ANKRD11: variants seen among roughly 807,000 people sequenced by gnomAD.
ANKRD11 encodes ankyrin repeat domain-containing protein 11.
ANKRD11 carries 17 observed loss-of-function variants against 195.7 expected under a neutral mutation model. The observed-to-expected ratio is 0.09, with a 90% CI of 0.06 to 0.13. The LOEUF is 0.13. Among genes scored for constraint, ANKRD11 ranks in the 10% least tolerant of loss-of-function variants. ANKRD11 has a pLI of 1.00. For missense variants in ANKRD11, 3,735 were observed against 3,566.1 expected, an observed-to-expected ratio of 1.05 and a Z score of -1.21; for synonymous variants, 1,953 against 1,528.1, an observed-to-expected ratio of 1.28 and a Z score of -6.49.
At position 89,284,595 on chromosome 16, in the gene ANKRD11, G is replaced by A. The variant is rs1190427532; in HGVS notation, c.1947C>T (p.Ser649=). 2 of 1,613,968 alleles carry A rather than the reference G, an allele frequency of 1.2e-6. No homozygotes were observed. Among genetic ancestry groups the A allele is most frequent in the Non-Finnish European group, 1.7e-6 (2 of 1,180,028 alleles). Reference sequence around the variant, plus strand: ...TAAAACTTTTCAACTTCAGCTCTTGGCTGATGGAACACTGTCCCTTCTCCT... The same window carrying A: ...TAAAACTTTTCAACTTCAGCTCTTGACTGATGGAACACTGTCCCTTCTCCT... The part of the protein sequence containing the change: ...KNKEKGQCSI[S]QELKLKSFTY... Residue 649 remains serine (S), a synonymous_variant, in exon 9 of 13, where the codon AGC becomes AGT. Transcript: ENST00000301030.
At chr16:89,301,503 G>A (rs949036642) in intron 4 of ANKRD11, 6 of 398,704 alleles carry the variant, frequency 1.5e-5, no homozygotes, top group African/African-American at 6.2e-5. Flanking sequence ...AGAAGTCCCA[G>A]GGCAAGCTGG....
At chr16:89,481,425 C>T (rs1277936641) in intron 1 of ANKRD11, among the ~76,000 whole-genome samples, 1 of 152,100 alleles carries the variant, frequency 6.6e-6, no homozygotes, top group Non-Finnish European at 1.5e-5. Flanking sequence ...TAAAAATTAG[C>T]GCACGTCTGT....
intron 1 of ANKRD11, among the ~76,000 whole-genome samples, chr16:89,433,239 G>A (rs2043074065): frequency 6.6e-6 from 1 of 152,202 alleles, no homozygotes; most frequent in Non-Finnish European, 1.5e-5. Flanking sequence ...ACAAGGCCCA[G>A]TTGAGTGGCC....
chr16:89,339,099 T>C (rs1031348707), intron 2 of ANKRD11, among the ~76,000 whole-genome samples: 3 of 152,146 alleles, frequency 2.0e-5, no homozygotes, highest in Non-Finnish European at 4.4e-5. Context: ...TGGGTGAGCG[T>C]TGCACCCCCA....
intron 1 of ANKRD11, among the ~76,000 whole-genome samples, chr16:89,449,570 G>C (rs142973938): frequency 5.9e-5 from 9 of 152,070 alleles, no homozygotes; most frequent in Non-Finnish European, 1.2e-4. Flanking sequence ...GAGGCAGGCA[G>C]ATCACCTGAG....
chr16:89,282,728 T>C lies in ANKRD11; in HGVS notation c.3814A>G (p.Arg1272Gly), dbSNP rs1159667419. 2 of 1,613,896 alleles carry C rather than the reference T, an allele frequency of 1.2e-6. No homozygotes were observed. The highest frequency in any genetic ancestry group is 3.3e-5 in the Admixed American group (2 of 60,020). The part of the protein sequence containing the change: ...KEHSKERKSS[R>G]SADAEKSLLE... ...AGGCTTTTTTCCGCGTCGGCACTTC[T>C]CGAGGACTTCCTCTCCTTGGAATGT... The change falls in exon 9 of 13, where the codon AGA becomes GGA. Residue 1272 changes from arginine to glycine, a missense_variant. Transcript: ENST00000301030.
chr16:89,332,419 C>T (rs544787610), intron 2 of ANKRD11, among the ~76,000 whole-genome samples: 31 of 152,314 alleles, frequency 2.0e-4, no homozygotes, highest in Admixed American at 4.6e-4. Flanking sequence ...TGCCTTACAG[C>T]TCCACACGTC....
At chr16:89,292,782 A>G (rs748076707) in intron 4 of ANKRD11, among the ~76,000 whole-genome samples, 4 of 152,198 alleles carry the variant, frequency 2.6e-5, no homozygotes, top group Non-Finnish European at 4.4e-5. Context: ...AATGAGCCCC[A>G]GCCTACAGCC....
intron 2 of ANKRD11, among the ~76,000 whole-genome samples, chr16:89,337,429 CTTTTTTT>C (rs1165680827): frequency 6.2e-4 from 33 of 53,134 alleles, no homozygotes; most frequent in African/African-American, 2.0e-3. Context: ...CTAAGCAATT[CTTTTTTT>C]TTTTTTTTTT....
At chr16:89,439,103 A>T (rs1300714020) in intron 1 of ANKRD11, among the ~76,000 whole-genome samples, 1 of 152,188 alleles carries the variant, frequency 6.6e-6, no homozygotes, top group African/African-American at 2.4e-5. Flanking sequence ...GATAAACATC[A>T]CAATGGGAAA....
chr16:89,355,743 G>A (rs1301700709), intron 2 of ANKRD11, among the ~76,000 whole-genome samples: 1 of 152,204 alleles, frequency 6.6e-6, no homozygotes, highest in Non-Finnish European at 1.5e-5. Flanking sequence ...CCCGTCGAGG[G>A]CAGGTCTTGT....
chr16:89,403,731 G>C (rs1247933623), intron 2 of ANKRD11: 1 of 152,138 alleles, frequency 6.6e-6, no homozygotes. Context: ...TAAGTTTGAG[G>C]CCAATCTGGG....
chr16:89,324,708 C>CT, intron 2 of ANKRD11: 1 of 336,574 alleles, frequency 3.0e-6, no homozygotes, highest in Non-Finnish European at 5.8e-6. Context: ...AGTGCTTCAG[C>CT]TTTTGGGTTC....
At chr16:89,384,290 G>A (rs2152111846) in intron 2 of ANKRD11, among the ~76,000 whole-genome samples, 1 of 152,290 alleles carries the variant, frequency 6.6e-6, no homozygotes, top group East Asian at 1.9e-4. Context: ...CAGCACTTTG[G>A]GAGACCGAGT....
intron 2 of ANKRD11, among the ~76,000 whole-genome samples, chr16:89,343,340 A>G (rs535104714): frequency 1.3e-4 from 20 of 152,202 alleles, no homozygotes; most frequent in Non-Finnish European, 2.4e-4. Flanking sequence ...AAAACAGAAA[A>G]ATTGACATTT....
At chr16:89,290,246 G>T (rs983952598) in intron 6 of ANKRD11, among the ~76,000 whole-genome samples, 4,632 of 25,584 alleles carry the variant, frequency 0.18, 561 homozygotes, top group African/African-American at 0.4. Context: ...GGGCTCCAGC[G>T]GGGGGTAGGC....
At chr16:89,304,304 GCA>G (rs574530953) in intron 4 of ANKRD11, among the ~76,000 whole-genome samples, 2 of 149,192 alleles carry the variant, frequency 1.3e-5, no homozygotes, top group African/African-American at 5.0e-5. Flanking sequence ...GGGCACACAG[GCA>G]CACACGTACA....
chr16:89,313,678 T>C, intron 3 of ANKRD11: 1 of 1,150,478 alleles, frequency 8.7e-7, no homozygotes, highest in Non-Finnish European at 1.2e-6. Flanking sequence ...CATTTCAGCC[T>C]GTACCAGGAG....
intron 2 of ANKRD11, among the ~76,000 whole-genome samples, chr16:89,318,174 C>A (rs139676693): frequency 6.6e-6 from 1 of 152,200 alleles, no homozygotes; most frequent in African/African-American, 2.4e-5. Flanking sequence ...TTCCCAGCCT[C>A]GTCCTGGTCT....
Sources: allele counts gnomAD v4.1 joint callset (sites outside exome capture counted in the v4.1 genomes callset), GRCh38; gene constraint gnomAD v4.1.1; transcripts MANE v1.5; gene names NCBI Gene and HGNC (gene_info 2026-07-23, HGNC 2026-07-21).